The following PPARGC1A variants were observed in gnomAD, a reference collection of about 807,000 sequenced individuals.
PPARGC1A encodes the protein peroxisome proliferator-activated receptor gamma coactivator 1-alpha.
A neutral mutation model predicts 88.7 loss-of-function variants in PPARGC1A; 25 were observed. The observed-to-expected ratio is 0.28, with a 90% CI of 0.21 to 0.39. The LOEUF is 0.39. PPARGC1A is among the 10% of genes least tolerant of loss of function. The pLI, the probability that PPARGC1A is intolerant of heterozygous loss-of-function variation, is 1.00. For missense variants in PPARGC1A, 880 were observed against 968.7 expected, an observed-to-expected ratio of 0.91 and a Z score of 1.22; for synonymous variants, 363 against 355.6, an observed-to-expected ratio of 1.02 and a Z score of -0.24.
rs570932595 is a variant in PPARGC1A at position 23,844,738 on chromosome 4, A to ATATATTATTATAATATATGATATATAT, written c.235-12988_235-12987insATATATATCATATATTATAATAATATA. 4.3e-4 allele frequency among the ~76,000 whole-genome samples: 13 copies of ATATATTATTATAATATATGATATATAT among 30,262 alleles called. 2 individuals are homozygous for ATATATTATTATAATATATGATATATAT. Among genetic ancestry groups the ATATATTATTATAATATATGATATATAT allele is most frequent in the South Asian group, 4.0e-3 (4 of 994 alleles). 19.9% of individuals were successfully genotyped at this position (30,262 alleles called of 152,430 possible). ...GATATATATTATTATAATATATGAT[A>ATATATTATTATAATATATGATATATAT]TATCATAATATATGATATATATTAT... On this transcript the variant is annotated intron_variant, in intron 2 of 12. Transcript: ENST00000264867.
At chr4:24,172,413 G>A in the PPARGC1A span, among the ~76,000 whole-genome samples, 1 of 152,162 alleles carries the variant, frequency 6.6e-6, no homozygotes, top group Non-Finnish European at 1.5e-5. Context: ...TGCTAGGTGG[G>A]GAACACACAG....
chr4:24,050,291 G>C, the PPARGC1A span, among the ~76,000 whole-genome samples: 2 of 147,230 alleles, frequency 1.4e-5, no homozygotes, highest in East Asian at 4.1e-4. Flanking sequence ...TGCCTCCCAG[G>C]TTCAAGTGAT....
the PPARGC1A span, among the ~76,000 whole-genome samples, chr4:24,030,995 G>C: frequency 0.012 from 1,764 of 152,176 alleles, 30 homozygotes; most frequent in African/African-American, 0.04. Flanking sequence ...GAGAAAAGGA[G>C]GCAGAAAATG....
chr4:23,926,915 T>A, the PPARGC1A span, among the ~76,000 whole-genome samples: 2 of 152,226 alleles, frequency 1.3e-5, no homozygotes, highest in African/African-American at 4.8e-5. Context: ...GTTATTCATA[T>A]ATATCTTCCA....
chr4:24,361,242 A>G, the PPARGC1A span, among the ~76,000 whole-genome samples: 30 of 152,300 alleles, frequency 2.0e-4, no homozygotes, highest in South Asian at 6.0e-3. Flanking sequence ...TTCACAGGGA[A>G]AAGGGAAAGA....
the PPARGC1A span, among the ~76,000 whole-genome samples, chr4:23,946,711 C>G: frequency 6.6e-6 from 1 of 151,810 alleles, no homozygotes; most frequent in Admixed American, 6.6e-5. Context: ...ATTTGGTTCT[C>G]CCTCACATCC....
the PPARGC1A span, among the ~76,000 whole-genome samples, chr4:24,123,918 A>AC: frequency 1.4e-3 from 207 of 151,694 alleles, 6 homozygotes; most frequent in African/African-American, 4.8e-4. Flanking sequence ...GGCAAAAAAA[A>AC]AAAAAAACAA....
chr4:24,026,459 A>T, the PPARGC1A span, among the ~76,000 whole-genome samples: 8 of 152,350 alleles, frequency 5.3e-5, 1 homozygote, highest in African/African-American at 1.4e-4. Context: ...TTTCTATAGA[A>T]TAAAGAGTAT....
the PPARGC1A span, among the ~76,000 whole-genome samples, chr4:24,447,142 GA>G: frequency 6.6e-6 from 1 of 152,138 alleles, no homozygotes; most frequent in African/African-American, 2.4e-5. Context: ...CCTTCTCCAA[GA>G]AGTAACTGTT....
the PPARGC1A span, among the ~76,000 whole-genome samples, chr4:24,228,062 G>A: frequency 2.0e-5 from 3 of 152,154 alleles, no homozygotes; most frequent in East Asian, 1.9e-4. Flanking sequence ...TCCTCATCTC[G>A]GGCACCAGCT....
chr4:24,048,542 G>A, the PPARGC1A span, among the ~76,000 whole-genome samples: 1 of 152,128 alleles, frequency 6.6e-6, no homozygotes, highest in African/African-American at 2.4e-5. Flanking sequence ...AATGATGAAT[G>A]TAAGAAACTA....
the PPARGC1A span, among the ~76,000 whole-genome samples, chr4:24,077,894 CAG>C: frequency 6.6e-6 from 1 of 151,916 alleles, no homozygotes; most frequent in Non-Finnish European, 1.5e-5. Context: ...CCATTCTTCT[CAG>C]AGAGTTTTTT....
the PPARGC1A span, among the ~76,000 whole-genome samples, chr4:24,176,819 C>T: frequency 6.6e-6 from 1 of 152,120 alleles, no homozygotes; most frequent in Non-Finnish European, 1.5e-5. Flanking sequence ...AGGCAAAAAC[C>T]TCAAACCACC....
At chr4:24,414,805 G>T in the PPARGC1A span, among the ~76,000 whole-genome samples, 1 of 152,166 alleles carries the variant, frequency 6.6e-6, no homozygotes, top group Non-Finnish European at 1.5e-5. Context: ...GGAGGAGGGG[G>T]TGGCCTTGCA....
the PPARGC1A span, among the ~76,000 whole-genome samples, chr4:24,402,413 C>T: frequency 4.5e-4 from 68 of 152,196 alleles, 1 homozygote; most frequent in African/African-American, 1.5e-3. Context: ...ACAAACACTT[C>T]CATTGGCCAG....
At chr4:23,876,905 A>G (rs145159229) in intron 2 of PPARGC1A, among the ~76,000 whole-genome samples, 203 of 152,310 alleles carry the variant, frequency 1.3e-3, no homozygotes, top group Admixed American at 2.9e-3. Context: ...TCTGGCTGCA[A>G]ACCTTGAATG....
At chr4:24,106,085 C>A in the PPARGC1A span, among the ~76,000 whole-genome samples, 1 of 152,168 alleles carries the variant, frequency 6.6e-6, no homozygotes, top group Non-Finnish European at 1.5e-5. Flanking sequence ...CCCAGATCAG[C>A]ACTTCCATTC....
At chr4:24,295,128 A>C in the PPARGC1A span, among the ~76,000 whole-genome samples, 8 of 152,210 alleles carry the variant, frequency 5.3e-5, no homozygotes, top group Admixed American at 1.3e-4. Context: ...AGCCTCAAAG[A>C]ATATTCTATA....
chr4:24,190,010 C>T, the PPARGC1A span, among the ~76,000 whole-genome samples: 2 of 152,280 alleles, frequency 1.3e-5, no homozygotes, highest in African/African-American at 2.4e-5. Context: ...TTCTTGCTAA[C>T]GTAGTGCCTA....
Sources: gnomAD v4.1 joint callset for allele counts (sites outside exome capture counted in the v4.1 genomes callset) on GRCh38, gnomAD v4.1.1 for gene constraint, MANE v1.5 for transcripts, NCBI Gene and HGNC (gene_info 2026-07-23, HGNC 2026-07-21) for gene names.